TOGARAM2: variants seen among roughly 807,000 people sequenced by gnomAD.
TOGARAM2 encodes TOG array regulator of axonemal microtubules 2, also known as TOG array regulator of axonemal microtubules protein 2.
A neutral mutation model predicts 93.3 loss-of-function variants in TOGARAM2; 85 were observed. The observed-to-expected ratio is 0.91, with a 90% CI of 0.76 to 1.09. TOGARAM2 has a LOEUF of 1.09. Ranked by LOEUF, TOGARAM2 falls within the 50% of genes least tolerant of loss-of-function variation. The pLI, the probability that TOGARAM2 is intolerant of heterozygous loss-of-function variation, is 0.00. For missense variants in TOGARAM2, 1,277 were observed against 1,334.5 expected (o/e 0.96, Z 0.67); for synonymous variants, 593 against 552.8 (o/e 1.07, Z -1.02).
chr2:28,971,475 G>C (rs1671945965), intron 1 of TOGARAM2, among the ~76,000 whole-genome samples: 1 of 152,126 alleles, frequency 6.6e-6, no homozygotes, highest in African/African-American at 2.4e-5. Context: ...GCCTCCCAAA[G>C]TGCTGGGATT....
Position 29,017,142 on chromosome 2 carries a change from A to C in TOGARAM2, c.1045-12A>C. 1 of 1,610,986 alleles carries C rather than the reference A, an allele frequency of 6.2e-7. No homozygotes were observed. The highest frequency in any genetic ancestry group is 1.1e-5 in the South Asian group (1 of 90,526). On this transcript the variant is annotated splice_polypyrimidine_tract_variant and intron_variant, in intron 8 of 19. Coordinates refer to ENST00000379558, the MANE Select transcript of TOGARAM2 (RefSeq NM_199280.4). ...TGGGAGGTTAATAGAGTTTGCCTTG[A>C]CCTTGTGCCAGATCCAAGTCACCAT...
In TOGARAM2 at chr2:29,014,286, A is replaced by C. The variant is rs1013259544; in HGVS notation, c.878-109A>C. ...TAACTCAGGTCTTGCTCCATTGAGG[A>C]AGAATTGAGGGTGTGGGGCTTAGCA... On this transcript the variant is annotated intron_variant, in intron 7 of 19. Transcript: ENST00000379558. 9.0e-6 allele frequency: 12 copies of C among 1,331,752 alleles called. No individual in the cohort carries two copies. In the Admixed American group the frequency reaches 1.8e-4, roughly 20 times the overall value. 82.5% of individuals were successfully genotyped at this position (1,331,752 alleles called of 1,614,324 possible).
At chr2:29,043,605 C>G (rs954592959) in intron 18 of TOGARAM2, among the ~76,000 whole-genome samples, 5 of 152,250 alleles carry the variant, frequency 3.3e-5, no homozygotes, top group Non-Finnish European at 7.3e-5. Flanking sequence ...CCTCACCTAC[C>G]TGACAGGTGC....
At chr2:28,991,029 TG>T (rs1558406575) in intron 1 of TOGARAM2, among the ~76,000 whole-genome samples, 1,668 of 148,232 alleles carry the variant, frequency 0.011, 44 homozygotes, top group East Asian at 0.11. Flanking sequence ...TGTGTGTGTG[TG>T]TGTGTGTGTG....
chr2:29,007,321 C>A (rs1663944257), intron 6 of TOGARAM2, among the ~76,000 whole-genome samples: 1 of 152,158 alleles, frequency 6.6e-6, no homozygotes, highest in Non-Finnish European at 1.5e-5. Flanking sequence ...ACAAGGACCA[C>A]CTCGTGTTTC....
intron 1 of TOGARAM2, among the ~76,000 whole-genome samples, chr2:28,965,104 C>T (rs745481183): frequency 3.9e-5 from 6 of 152,170 alleles, no homozygotes; most frequent in Non-Finnish European, 8.8e-5. Flanking sequence ...ACATTCCCAC[C>T]GACAGTGTAA....
chr2:28,994,803 G>T lies in TOGARAM2; in HGVS notation c.-32G>T. 1 of 1,551,682 alleles carries T rather than the reference G, an allele frequency of 6.4e-7. No homozygotes were observed. Among genetic ancestry groups the T allele is most frequent in the Non-Finnish European group, 8.7e-7 (1 of 1,146,958 alleles). On this transcript the variant is annotated 5_prime_UTR_variant, in exon 2 of 20. Coordinates refer to ENST00000379558, the MANE Select transcript of TOGARAM2 (RefSeq NM_199280.4). ...GCCCAGAAATAGCTGCTGCCTCTGG[G>T]CAACCTTGTAGGCACCTTCTCCACC...
At chr2:29,004,664 GTA>G (rs1241904928) in intron 6 of TOGARAM2, among the ~76,000 whole-genome samples, 2 of 152,036 alleles carry the variant, frequency 1.3e-5, no homozygotes, top group Non-Finnish European at 2.9e-5. Flanking sequence ...ATGTGTGCAT[GTA>G]TATGTGAGTA....
At chr2:29,021,039 G>T (rs752301289) in intron 10 of TOGARAM2, among the ~76,000 whole-genome samples, 1 of 152,080 alleles carries the variant, frequency 6.6e-6, no homozygotes, top group Non-Finnish European at 1.5e-5. Flanking sequence ...TCAGCCTCCC[G>T]AGTATCTGGG....
chr2:28,975,516 T>C, intron 1 of TOGARAM2, among the ~76,000 whole-genome samples: 1 of 152,316 alleles, frequency 6.6e-6, no homozygotes, highest in East Asian at 1.9e-4. Flanking sequence ...TTTTATTTTT[T>C]AATGTGTTTT....
At position 29,035,577 on chromosome 2, in the gene TOGARAM2, G is replaced by A. The variant is rs764952314; in HGVS notation, c.2339G>A (p.Arg780Gln). Residue 780 changes from arginine (R) to glutamine (Q), a missense_variant, in exon 17 of 20, where the codon CGG becomes CAG. Physicochemically the swap from Arg to Gln is conservative, Grantham distance 43. Transcript: ENST00000379558. ...LTRLLEAKDF[R>Q]SRMEGVGQLL... is the part of the protein sequence containing the mutation. ...CGGCTGCTGGAGGCCAAGGACTTCCGGTCCCGGATGGAAGGCGTGGGGCAG... is the reference window on the plus strand; with the variant it reads ...CGGCTGCTGGAGGCCAAGGACTTCCAGTCCCGGATGGAAGGCGTGGGGCAG... 1.1e-5 allele frequency: 18 copies of A among 1,591,410 alleles called. No individual in the cohort carries two copies. Among genetic ancestry groups the A allele is most frequent in the African/African-American group, 2.7e-5 (2 of 74,512 alleles).
intron 7 of TOGARAM2, 61 bp from the exon 8 acceptor site, chr2:29,014,334 G>A: frequency 6.4e-7 from 1 of 1,563,372 alleles, no homozygotes; most frequent in Non-Finnish European, 8.7e-7. Flanking sequence ...CAGCCACAGG[G>A]TCAGTGAGCT....
intron 14 of TOGARAM2, among the ~76,000 whole-genome samples, chr2:29,028,797 GGT>G (rs1291914146): frequency 6.6e-6 from 1 of 152,178 alleles, no homozygotes; most frequent in Non-Finnish European, 1.5e-5. Flanking sequence ...ACAGGATGCA[GGT>G]GGTAAGGGTT....
At chr2:28,991,007 T>TGTGG in intron 1 of TOGARAM2, among the ~76,000 whole-genome samples, 1 of 149,118 alleles carries the variant, frequency 6.7e-6, no homozygotes, top group African/African-American at 2.5e-5. Context: ...TGTGTGTGTG[T>TGTGG]GTGTGTGTGT....
At chr2:28,976,232 G>C (rs369934465) in intron 1 of TOGARAM2, among the ~76,000 whole-genome samples, 3 of 152,106 alleles carry the variant, frequency 2.0e-5, no homozygotes, top group Admixed American at 1.3e-4. Flanking sequence ...TTAGCCGGAC[G>C]TGGTGGCGGG....
intron 1 of TOGARAM2, among the ~76,000 whole-genome samples, chr2:28,967,844 G>A (rs531686405): frequency 4.2e-5 from 5 of 120,138 alleles, no homozygotes; most frequent in Admixed American, 1.2e-4. Context: ...TTGCTCTGTC[G>A]CTCTATTGCC....
chr2:29,037,452 A>G (rs1424570812), intron 18 of TOGARAM2, among the ~76,000 whole-genome samples: 1 of 152,202 alleles, frequency 6.6e-6, no homozygotes, highest in Non-Finnish European at 1.5e-5. Flanking sequence ...CCATGGTCTG[A>G]AAACCACCTG....
chr2:29,029,292 C>CAT (rs1404966050), intron 14 of TOGARAM2, among the ~76,000 whole-genome samples: 20 of 152,040 alleles, frequency 1.3e-4, no homozygotes, highest in African/African-American at 3.6e-4. Flanking sequence ...CACACACACA[C>CAT]ACACACTGGA....
At chr2:29,032,899 G>A in intron 14 of TOGARAM2, 35 bp from the exon 15 acceptor site, 1 of 1,560,918 alleles carries the variant, frequency 6.4e-7, no homozygotes, top group Non-Finnish European at 8.8e-7. Context: ...CATTTCAGAG[G>A]CTGTTTCTTT....
Sources: allele counts gnomAD v4.1 joint callset (sites outside exome capture counted in the v4.1 genomes callset), GRCh38; gene constraint gnomAD v4.1.1; transcripts MANE v1.5; gene names NCBI Gene and HGNC (gene_info 2026-07-23, HGNC 2026-07-21).